ERBB4: variants seen among roughly 807,000 people sequenced by gnomAD.
The protein encoded by ERBB4 is receptor tyrosine-protein kinase erbB-4.
A neutral mutation model predicts 158.0 loss-of-function variants in ERBB4; 42 were observed. The observed-to-expected ratio is 0.27, with a 90% CI of 0.21 to 0.34. The LOEUF (loss-of-function observed/expected upper bound fraction) is 0.34, where lower values mean the gene tolerates loss of function less well. Ranked by LOEUF, ERBB4 falls within the 10% of genes least tolerant of loss-of-function variation. The pLI, the probability that ERBB4 is intolerant of heterozygous loss-of-function variation, is 1.00. For missense variants in ERBB4, 1,333 were observed against 1,624.1 expected (o/e 0.82, Z 3.08); for synonymous variants, 583 against 558.7 (o/e 1.04, Z -0.61).
intron 1 of ERBB4, among the ~76,000 whole-genome samples, chr2:212,538,161 A>G (rs963597122): frequency 1.3e-5 from 2 of 152,224 alleles, no homozygotes; most frequent in Non-Finnish European, 2.9e-5. Context: ...AGGCGCCACC[A>G]GAAGGGATCC....
chr2:211,515,451 A>G (rs1040052950), intron 20 of ERBB4, among the ~76,000 whole-genome samples: 2 of 152,098 alleles, frequency 1.3e-5, no homozygotes, highest in African/African-American at 4.8e-5. Flanking sequence ...TTAATTCCAG[A>G]TTTCTGACTT....
chr2:211,745,445 A>T (rs1177092384), intron 5 of ERBB4, among the ~76,000 whole-genome samples: 2 of 152,178 alleles, frequency 1.3e-5, no homozygotes, highest in South Asian at 4.1e-4. Flanking sequence ...TGTCAAGGAC[A>T]GGCAGCCTCC....
rs1196727915 is a variant in ERBB4 at position 211,377,868 on chromosome 2, G to T, written c.*5747C>A. ...CCTATAGGGAAGGACACAGAGAATT[G>T]ATCTTCATGGGAAACCATAATTTTA... On this transcript the variant is annotated 3_prime_UTR_variant, in exon 28 of 28. Coordinates refer to ENST00000342788, the MANE Select transcript of ERBB4 (RefSeq NM_005235.3). The T allele has an allele frequency of 8.6e-6, 2 of 232,714 alleles. No individual in the cohort carries two copies. Among genetic ancestry groups the T allele is most frequent in the Non-Finnish European group, 8.5e-6 (1 of 117,574 alleles). The allele number at this position is 232,714 out of a possible 1,614,324, so 14.4% of individuals were successfully genotyped here. A position where few individuals can be genotyped will look rare whatever the true frequency, so the allele number is the denominator to read the frequency against.
intron 1 of ERBB4, among the ~76,000 whole-genome samples, chr2:212,304,009 T>C (rs2086717615): frequency 6.6e-6 from 1 of 151,622 alleles, no homozygotes. Context: ...CTATCTTCCT[T>C]CTTTTATACT....
chr2:211,435,419 A>C (rs1218803183), intron 20 of ERBB4, among the ~76,000 whole-genome samples: 1 of 152,230 alleles, frequency 6.6e-6, no homozygotes, highest in African/African-American at 2.4e-5. Context: ...ACGTATTTTA[A>C]ATATGAGAAA....
chr2:212,528,961 G>A (rs1692596858), intron 1 of ERBB4, among the ~76,000 whole-genome samples: 1 of 152,022 alleles, frequency 6.6e-6, no homozygotes, highest in South Asian at 2.1e-4. Flanking sequence ...ATATATCTAG[G>A]AATAGAAAAT....
chr2:211,995,973 G>A (rs967914654), intron 2 of ERBB4, among the ~76,000 whole-genome samples: 26 of 152,142 alleles, frequency 1.7e-4, no homozygotes, highest in Non-Finnish European at 4.4e-5. Flanking sequence ...TAGGTCAATC[G>A]GCCTAGAATG....
intron 2 of ERBB4, among the ~76,000 whole-genome samples, chr2:211,955,029 G>A (rs1029627630): frequency 6.6e-6 from 1 of 151,928 alleles, no homozygotes; most frequent in African/African-American, 2.4e-5. Flanking sequence ...GGGACTCAAA[G>A]TCTCATTTAA....
chr2:211,596,912 C>T (rs2068650174), intron 19 of ERBB4, among the ~76,000 whole-genome samples: 1 of 152,062 alleles, frequency 6.6e-6, no homozygotes, highest in African/African-American at 2.4e-5. Flanking sequence ...TTACACGTGC[C>T]TGCCACCATG....
rs561645469 is a variant in ERBB4, at chr2:211,378,808, C to T, written c.*4807G>A. The T allele has an allele frequency of 3.0e-5, 7 of 232,596 alleles. No homozygotes were observed. The East Asian group carries it at 3.0e-4, about 10-fold the overall frequency. The allele number at this position is 232,596 out of a possible 1,614,324, so 14.4% of individuals were successfully genotyped here. A position where few individuals can be genotyped will look rare whatever the true frequency, so the allele number is the denominator to read the frequency against. ...GGCTGTCCTTCAAACTGATACACAC[C>T]GAAGTCCATGTACACAAACAGAGGC... On this transcript the variant is annotated 3_prime_UTR_variant, in exon 28 of 28. Transcript: ENST00000342788.
At chr2:212,065,833 T>C (rs2077927980) in intron 2 of ERBB4, among the ~76,000 whole-genome samples, 1 of 152,010 alleles carries the variant, frequency 6.6e-6, no homozygotes, top group East Asian at 1.9e-4. Flanking sequence ...TAGGATTAAT[T>C]TACAGAATTT....
intron 4 of ERBB4, among the ~76,000 whole-genome samples, chr2:211,772,938 T>TACACACACAC (rs1379581822): frequency 5.7e-5 from 5 of 87,688 alleles, no homozygotes; most frequent in South Asian, 4.4e-4. Context: ...TATATATATA[T>TACACACACAC]ATATATATAT....
chr2:211,655,116 C>G (rs1559385467), intron 16 of ERBB4, among the ~76,000 whole-genome samples: 1 of 152,126 alleles, frequency 6.6e-6, no homozygotes, highest in Non-Finnish European at 1.5e-5. Context: ...TTTAACCTTT[C>G]TCTGCCTCTA....
chr2:212,422,787 T>C (rs1333327807), intron 1 of ERBB4, among the ~76,000 whole-genome samples: 1 of 152,092 alleles, frequency 6.6e-6, no homozygotes, highest in Non-Finnish European at 1.5e-5. Flanking sequence ...AAGAGATGAG[T>C]TACCAAGTTA....
chr2:211,478,777 A>G (rs1366752681), intron 20 of ERBB4, among the ~76,000 whole-genome samples: 5 of 152,110 alleles, frequency 3.3e-5, no homozygotes, highest in Admixed American at 6.6e-5. Context: ...ATAAAACATT[A>G]TTATGTTACT....
rs190269285 is a variant in ERBB4, at chr2:212,340,089, G to A, written c.82+198360C>T. The stretch of plus-strand genomic sequence containing the variant: ...ACAAGGTCTCACTCTGGGCTGAAGT[G>A]CAGTGGAGTGACCAAGACTCACTGA... On this transcript the variant is annotated intron_variant, in intron 1 of 27. Coordinates refer to ENST00000342788, the MANE Select transcript of ERBB4 (RefSeq NM_005235.3). Among the ~76,000 whole-genome samples the A allele has an allele frequency of 3.3e-4, 50 of 149,986 alleles. No individual in the cohort carries two copies. The East Asian group carries it at 9.1e-3, about 27-fold the overall frequency.
chr2:211,987,589 T>C (rs1241391312), intron 2 of ERBB4, among the ~76,000 whole-genome samples: 4 of 151,974 alleles, frequency 2.6e-5, no homozygotes, highest in African/African-American at 9.7e-5. Context: ...TCTATTGCAA[T>C]CAAAATCAAT....
chr2:211,807,537 C>T (rs938071955), intron 3 of ERBB4, among the ~76,000 whole-genome samples: 1 of 152,208 alleles, frequency 6.6e-6, no homozygotes, highest in Non-Finnish European at 1.5e-5. Flanking sequence ...TTAATCCAAT[C>T]TATCATTGAT....
chr2:212,094,165 A>G (rs2125499686), intron 2 of ERBB4, among the ~76,000 whole-genome samples: 2 of 151,920 alleles, frequency 1.3e-5, no homozygotes, highest in East Asian at 1.9e-4. Context: ...GATGGGGTGA[A>G]CCTCTCATAA....
Sources: allele counts gnomAD v4.1 joint callset (sites outside exome capture counted in the v4.1 genomes callset), GRCh38; gene constraint gnomAD v4.1.1; transcripts MANE v1.5; gene names NCBI Gene and HGNC (gene_info 2026-07-23, HGNC 2026-07-21).